SLC39A6: variants seen among roughly 807,000 people sequenced by gnomAD.
SLC39A6 encodes the protein zinc transporter ZIP6.
A neutral mutation model predicts 63.5 loss-of-function variants in SLC39A6; 51 were observed. The ratio of observed to expected loss-of-function variants is 0.80; its 90% CI spans 0.64 to 1.01. The LOEUF is 1.01. Among genes scored for constraint, SLC39A6 ranks in the 50% least tolerant of loss-of-function variants. The pLI, the probability that SLC39A6 is intolerant of heterozygous loss-of-function variation, is 0.00. For synonymous variants in SLC39A6, 318 were observed against 324.7 expected, an observed-to-expected ratio of 0.98 and a Z score of 0.22; for missense variants, 805 against 927.8, an observed-to-expected ratio of 0.87 and a Z score of 1.72.
chr18:36,115,217 G>A lies in SLC39A6; in HGVS notation c.1466-743C>T, dbSNP rs954475688. Among the ~76,000 whole-genome samples the A allele has an allele frequency of 3.9e-4, 59 of 152,052 alleles. 1 individual carries two copies. The highest frequency in any genetic ancestry group is 2.1e-4 in the South Asian group (1 of 4,822). Reference sequence around the variant, plus strand: ...AGCACTTTGGGAGGCAGAGGTGGGCGGATCACAACGTCAGGGGATCGAGAC... The same window carrying A: ...AGCACTTTGGGAGGCAGAGGTGGGCAGATCACAACGTCAGGGGATCGAGAC... On this transcript the variant is annotated intron_variant, in intron 6 of 9. Coordinates refer to ENST00000269187, the MANE Select transcript of SLC39A6 (RefSeq NM_012319.4).
At chr18:36,120,255 T>C (rs2089381843) in intron 5 of SLC39A6, among the ~76,000 whole-genome samples, 1 of 150,924 alleles carries the variant, frequency 6.6e-6, no homozygotes, top group South Asian at 2.1e-4. Flanking sequence ...CTTTTTTTTT[T>C]CTTTTTGAGA....
chr18:36,122,835 T>C (rs1306598180), intron 4 of SLC39A6, among the ~76,000 whole-genome samples: 5 of 152,212 alleles, frequency 3.3e-5, no homozygotes, highest in Non-Finnish European at 7.3e-5. Context: ...CAGTAGGTAT[T>C]CCCGAATGTC....
intron 5 of SLC39A6, among the ~76,000 whole-genome samples, chr18:36,119,816 A>G (rs1452443970): frequency 6.6e-6 from 1 of 151,994 alleles, no homozygotes; most frequent in African/African-American, 2.4e-5. Flanking sequence ...AGGAATTTGA[A>G]GCGCAATGAG....
In SLC39A6 at chr18:36,126,481, C is replaced by T; in HGVS notation, c.527G>A (p.Arg176Lys). The T allele has an allele frequency of 6.2e-7, 1 of 1,614,268 alleles. No homozygotes were observed. The highest frequency in any genetic ancestry group is 1.1e-5 in the South Asian group (1 of 91,090). The change falls in exon 2 of 10, where the codon AGG becomes AAG. Residue 176 changes from arginine to lysine, a missense_variant. Arg to Lys is a conservative substitution (Grantham distance 26). This residue lies in a region of SLC39A6 where 639 missense variants were observed against 644.0 expected (regional missense o/e 0.99). Transcript: ENST00000269187. ...AHRPEHASGR[R>K]NVKDSVSASE... is the part of the protein sequence containing the mutation. ...AGCACTAACACTGTCCTTGACATTC[C>T]TTCTACCACTGGCATGTTCTGGTCG...
chr18:36,117,665 C>T (rs1449575555), intron 5 of SLC39A6, among the ~76,000 whole-genome samples: 1 of 152,160 alleles, frequency 6.6e-6, no homozygotes, highest in Non-Finnish European at 1.5e-5. Context: ...ATGATCACCA[C>T]CATACCTAAG....
In SLC39A6 at chr18:36,123,615, C is replaced by A. The variant is rs1458892584; in HGVS notation, c.1020G>T (p.Leu340=). ...IAISIISFLS[L]LGVILVPLMN... is the part of the protein sequence containing the mutation. ...TGAGAGGCACTAAGATAACCCCCAG[C>A]AGAGACAGGAAACTGATGATGGAAA... is the stretch of plus-strand genomic sequence containing the variant. Residue 340 remains leucine (L), a synonymous_variant, in exon 4 of 10, where the codon CTG becomes CTT. Transcript: ENST00000269187. 1 of 1,612,944 alleles carries A rather than the reference C, an allele frequency of 6.2e-7. No individual in the cohort carries two copies. Among genetic ancestry groups the A allele is most frequent in the East Asian group, 2.2e-5 (1 of 44,858 alleles).
chr18:36,117,970 G>A (rs2144504271), intron 5 of SLC39A6, among the ~76,000 whole-genome samples: 1 of 151,560 alleles, frequency 6.6e-6, no homozygotes, highest in East Asian at 1.9e-4. Flanking sequence ...GGCGGAGCTT[G>A]CAGTGAGCAG....
In SLC39A6 at chr18:36,126,639, G is replaced by A; in HGVS notation, c.369C>T (p.His123=). Residue 123 remains histidine, a synonymous_variant, in exon 2 of 10, where the codon CAC becomes CAT. Coordinates refer to ENST00000269187, the MANE Select transcript of SLC39A6 (RefSeq NM_012319.4). The part of the protein sequence containing the change: ...DHEHHSEHEH[H]SDHDHHSHHN... ...GGTGAGAGTGATGATCATGGTCAGA[G>A]TGATGCTCGTGCTCTGAGTGATGCT... The A allele has an allele frequency of 6.2e-7, 1 of 1,603,392 alleles. No homozygotes were observed. Among genetic ancestry groups the A allele is most frequent in the South Asian group, 1.1e-5 (1 of 90,060 alleles).
rs745395591 is a variant in SLC39A6, at chr18:36,116,676, T to C, written c.1463A>G (p.Asp488Gly). ...AAAATTTATGCATAAGAACTTACGA[T>C]CATCTGTATCTACTTTCTCCTCATT... ...STNEEKVDTDDRTEGYLRADS... is the reference protein window; with the variant it reads ...STNEEKVDTDGRTEGYLRADS... Residue 488 changes from aspartate (D) to glycine (G), a missense_variant and splice_region_variant, in exon 6 of 10, where the codon GAT becomes GGT. Around this residue, in one of 4 missense-constraint regions of SLC39A6, gnomAD observed 639 missense variants for 644.0 expected, o/e 0.99. Transcript: ENST00000269187. The C allele has an allele frequency of 1.9e-6, 3 of 1,601,370 alleles. No homozygotes were observed. The African/African-American group carries it at 4.0e-5, about 21-fold the overall frequency.
chr18:36,114,679 T>C (rs1240470976), intron 6 of SLC39A6, among the ~76,000 whole-genome samples: 2 of 152,190 alleles, frequency 1.3e-5, no homozygotes, highest in African/African-American at 2.4e-5. Context: ...GTCTCAAATA[T>C]TAAGAATGGA....
At chr18:36,113,978 A>G in intron 7 of SLC39A6, 119 bp downstream of exon 7, 1 of 1,255,908 alleles carries the variant, frequency 8.0e-7, no homozygotes, top group South Asian at 1.7e-5. Context: ...CATTTTTATA[A>G]TCTTGGAAGT....
At chr18:36,114,864 T>C (rs929131808) in intron 6 of SLC39A6, among the ~76,000 whole-genome samples, 3 of 152,116 alleles carry the variant, frequency 2.0e-5, no homozygotes, top group Non-Finnish European at 4.4e-5. Flanking sequence ...AGAGAAGTAA[T>C]GAAAATTAGA....
rs55680231 is a variant in SLC39A6 at position 36,116,977 on chromosome 18, G to A, written c.1360-198C>T. ...CTCCCGGCCAGGCGCGGCGGCTCAC[G>A]CCTGTAATCGCAGCACTTTGGGAGG... On this transcript the variant is annotated intron_variant, in intron 5 of 9. Coordinates refer to ENST00000269187, the MANE Select transcript of SLC39A6 (RefSeq NM_012319.4). Among the ~76,000 whole-genome samples the A allele has an allele frequency of 1.5e-3, 229 of 152,320 alleles. 2 individuals are homozygous for A. The highest frequency in any genetic ancestry group is 3.4e-3 in the Middle Eastern group (1 of 294).
chr18:36,125,364 A>AAC (rs2089428574), intron 2 of SLC39A6, among the ~76,000 whole-genome samples: 2 of 150,156 alleles, frequency 1.3e-5, no homozygotes, highest in Admixed American at 1.3e-4. Context: ...AAAAAAAAAA[A>AAC]ACAACAAAAA....
At chr18:36,127,099 T>A in intron 1 of SLC39A6, 83 bp from the exon 2 acceptor site, 1 of 1,183,528 alleles carries the variant, frequency 8.4e-7, no homozygotes, top group East Asian at 2.5e-5. Context: ...AATTAATGTG[T>A]AATCAAATAA....
In SLC39A6 at chr18:36,109,798, C is replaced by T. The variant is rs1433505411; in HGVS notation, c.2116-53G>A. On this transcript the variant is annotated intron_variant, in intron 9 of 9. Coordinates refer to ENST00000269187, the MANE Select transcript of SLC39A6 (RefSeq NM_012319.4). Reference sequence around the variant, plus strand: ...AGTGACATTTAAGTTTTTAGAACTACAGATTAGTTTTTAGAAAAATTTATA... The same window carrying T: ...AGTGACATTTAAGTTTTTAGAACTATAGATTAGTTTTTAGAAAAATTTATA... 4.0e-6 allele frequency: 6 copies of T among 1,503,440 alleles called. No individual in the cohort carries two copies. In the South Asian group the frequency reaches 4.8e-5, roughly 12 times the overall value. The allele number at this position is 1,503,440 out of a possible 1,614,324, so 93.1% of individuals were successfully genotyped here.
intron 1 of SLC39A6, among the ~76,000 whole-genome samples, chr18:36,128,565 C>T (rs907649697): frequency 2.2e-4 from 33 of 152,126 alleles, no homozygotes; most frequent in African/African-American, 7.7e-4. Context: ...AATTCTTTTA[C>T]TAGGTAAAAG....
chr18:36,126,640 T>C lies in SLC39A6; in HGVS notation c.368A>G (p.His123Arg), dbSNP rs774731250. The change falls in exon 2 of 10, where the codon CAC becomes CGC. Residue 123 changes from histidine to arginine, a missense_variant. His to Arg is a conservative substitution (Grantham distance 29). Coordinates refer to ENST00000269187, the MANE Select transcript of SLC39A6 (RefSeq NM_012319.4). The part of the protein sequence containing the change: ...DHEHHSEHEH[H>R]SDHDHHSHHN... ...GTGAGAGTGATGATCATGGTCAGAG[T>C]GATGCTCGTGCTCTGAGTGATGCTC... 7.5e-6 allele frequency: 12 copies of C among 1,603,072 alleles called. No homozygotes were observed. The Admixed American group carries it at 1.9e-4, about 25-fold the overall frequency.
chr18:36,119,013 C>T (rs576828054), intron 5 of SLC39A6, among the ~76,000 whole-genome samples: 28 of 152,288 alleles, frequency 1.8e-4, no homozygotes, highest in South Asian at 2.1e-4. Flanking sequence ...CAATAACCTT[C>T]ACTAGCAGAA....
Sources: allele counts gnomAD v4.1 joint callset (sites outside exome capture counted in the v4.1 genomes callset), GRCh38; gene constraint gnomAD v4.1.1; regional missense constraint gnomAD v4.1.1; transcripts MANE v1.5; gene names NCBI Gene and HGNC (gene_info 2026-07-23, HGNC 2026-07-21).